The following KCNQ1 variants were observed in gnomAD, a reference collection of about 807,000 sequenced individuals.
KCNQ1 encodes potassium voltage-gated channel subfamily Q member 1.
Under a neutral mutation model 72.4 loss-of-function variants are expected in KCNQ1, and 49 were observed. The observed-to-expected ratio is 0.68, with a 90% CI of 0.54 to 0.86. KCNQ1 has a LOEUF of 0.86. Among genes scored for constraint, KCNQ1 ranks in the 40% least tolerant of loss-of-function variants. The pLI is 0.00. For missense variants in KCNQ1, 790 were observed against 945.1 expected, an observed-to-expected ratio of 0.84 and a Z score of 2.15; for synonymous variants, 450 against 412.6, an observed-to-expected ratio of 1.09 and a Z score of -1.10.
Position 2,708,044 on chromosome 11 carries a change from G to T in KCNQ1, c.1514+45963G>T, listed in dbSNP as rs190823214. 3.1e-4 allele frequency among the ~76,000 whole-genome samples: 47 copies of T among 152,346 alleles called. No homozygotes were observed. The South Asian group carries it at 9.3e-3, about 30-fold the overall frequency. On this transcript the variant is annotated intron_variant, in intron 11 of 15. Coordinates refer to ENST00000155840, the MANE Select transcript of KCNQ1 (RefSeq NM_000218.3). Reference sequence around the variant, plus strand: ...CCTCCCAAAGCACCAGGCCCCTCAGGGCTGTTCCCCTGTTTCCCAAGATTT... The same window carrying T: ...CCTCCCAAAGCACCAGGCCCCTCAGTGCTGTTCCCCTGTTTCCCAAGATTT...
rs1276289550 is a variant in KCNQ1 at position 2,746,845 on chromosome 11, A to G, written c.1515-21999A>G. On this transcript the variant is annotated intron_variant, in intron 11 of 15. Coordinates refer to ENST00000155840, the MANE Select transcript of KCNQ1 (RefSeq NM_000218.3). This position sits in a 1 kb window ranked among gnomAD's most constrained non-coding sequence, Gnocchi z 5.9. Reference sequence around the variant, plus strand: ...GCCCTAGAGAGACCCTGGGATGTGGATCACACTGGTGACCCCTGTGAGCCC... The same window carrying G: ...GCCCTAGAGAGACCCTGGGATGTGGGTCACACTGGTGACCCCTGTGAGCCC... Among the ~76,000 whole-genome samples the G allele has an allele frequency of 6.6e-6, 1 of 152,184 alleles. No individual in the cohort carries two copies. The highest frequency in any genetic ancestry group is 1.5e-5 in the Non-Finnish European group (1 of 68,028).
chr11:2,490,986 G>A (rs918931637), intron 1 of KCNQ1, among the ~76,000 whole-genome samples: 15 of 152,140 alleles, frequency 9.9e-5, no homozygotes, highest in African/African-American at 2.7e-4. Flanking sequence ...GATTACAGGC[G>A]TGAGCCACTG....
chr11:2,618,445 T>C (rs1849105852), intron 10 of KCNQ1: 1 of 398,614 alleles, frequency 2.5e-6, no homozygotes, highest in Non-Finnish European at 4.4e-6. Context: ...CCTAACGTCA[T>C]TTATGAGAGA....
intron 10 of KCNQ1, among the ~76,000 whole-genome samples, chr11:2,597,876 T>C (rs2133772832): frequency 6.6e-6 from 1 of 152,362 alleles, no homozygotes; most frequent in South Asian, 2.1e-4. Flanking sequence ...TGGTAGCAAC[T>C]GATTTTTTCC....
At position 2,458,688 on chromosome 11, in the gene KCNQ1, G is replaced by T. The variant is rs909903904; in HGVS notation, c.386+13204G>T. 1.4e-5 allele frequency among the ~76,000 whole-genome samples: 2 copies of T among 139,368 alleles called. No homozygotes were observed. The highest frequency in any genetic ancestry group is 4.5e-4 in the East Asian group (2 of 4,486). 91.4% of individuals were successfully genotyped at this position (139,368 alleles called of 152,430 possible). ...GGATGGATGGATGGATGGATGGATC[G>T]ATCGATCTCACCAAGCCTCGTGCTC... On this transcript the variant is annotated intron_variant, in intron 1 of 15. Coordinates refer to ENST00000155840, the MANE Select transcript of KCNQ1 (RefSeq NM_000218.3). This position sits in a 1 kb window ranked among gnomAD's most constrained non-coding sequence, Gnocchi z 4.6.
At chr11:2,619,297 C>T (rs1041004747) in intron 10 of KCNQ1, 9 of 398,322 alleles carry the variant, frequency 2.3e-5, no homozygotes, top group Middle Eastern at 6.2e-4. Context: ...TTGATTATAA[C>T]GTTAGCTGTG....
chr11:2,587,675 C>T lies in KCNQ1; in HGVS notation c.1234C>T (p.Pro412Ser), dbSNP rs1281389073. ...CACTCTGCTGTCACCCAGCCCCAAA[C>T]CCAAGAAGTCTGTGGTGGTGAGTAG... ...SHTLLSPSPK[P>S]KKSVVVKKKK... Residue 412 changes from proline (P) to serine (S), a missense_variant, in exon 9 of 16, where the codon CCC becomes TCC. Pro to Ser is a moderately conservative substitution (Grantham distance 74). Transcript: ENST00000155840. 1 of 1,613,810 alleles carries T rather than the reference C, an allele frequency of 6.2e-7. No individual in the cohort carries two copies. Among genetic ancestry groups the T allele is most frequent in the East Asian group, 2.2e-5 (1 of 44,882 alleles).
Position 2,781,934 on chromosome 11 carries a change from C to T in KCNQ1, c.1794+3897C>T, listed in dbSNP as rs1242834991. Among the ~76,000 whole-genome samples, 1 of 152,056 alleles carries T rather than the reference C, an allele frequency of 6.6e-6. No homozygotes were observed. The highest frequency in any genetic ancestry group is 2.4e-5 in the African/African-American group (1 of 41,390). Reference sequence around the variant, plus strand: ...AATCCAGGCCTCCAGGATGAGAATGCCCCCCAACCCAGGACTCCCAAAACC... The same window carrying T: ...AATCCAGGCCTCCAGGATGAGAATGTCCCCCAACCCAGGACTCCCAAAACC... On this transcript the variant is annotated intron_variant, in intron 15 of 15. Coordinates refer to ENST00000155840, the MANE Select transcript of KCNQ1 (RefSeq NM_000218.3). This position sits in a 1 kb window ranked among gnomAD's most constrained non-coding sequence, Gnocchi z 6.6.
At chr11:2,636,575 G>T (rs1849469180) in intron 10 of KCNQ1, 1 of 152,064 alleles carries the variant, frequency 6.6e-6, no homozygotes, top group South Asian at 2.1e-4. Context: ...TGTGCTGCTG[G>T]ATTCGGTTTG....
chr11:2,700,087 C>G (rs1419859808), intron 11 of KCNQ1: 5 of 397,816 alleles, frequency 1.3e-5, no homozygotes, highest in East Asian at 3.6e-5. Context: ...CAGGGGAAGG[C>G]TTGCGGCGGG....
At chr11:2,520,758 T>C (rs1847368563) in intron 1 of KCNQ1, among the ~76,000 whole-genome samples, 1 of 151,894 alleles carries the variant, frequency 6.6e-6, no homozygotes, top group African/African-American at 2.4e-5. Context: ...CTGGGGCACA[T>C]GGGATTTGGA....
rs993669164 is a variant in KCNQ1, at chr11:2,828,132, G to T, written c.1795-19635G>T. Among the ~76,000 whole-genome samples, 1 of 152,216 alleles carries T rather than the reference G, an allele frequency of 6.6e-6. No individual in the cohort carries two copies. The highest frequency in any genetic ancestry group is 2.4e-5 in the African/African-American group (1 of 41,454). On this transcript the variant is annotated intron_variant, in intron 15 of 15. Coordinates refer to ENST00000155840, the MANE Select transcript of KCNQ1 (RefSeq NM_000218.3). The surrounding 1 kb of genome is among the most constrained non-coding windows in gnomAD (Gnocchi z 5.3). The stretch of plus-strand genomic sequence containing the variant: ...GCCGGGACTCAGAGGAGGCAGCCAC[G>T]TGCAGAAAGGCACCCATGGGAACAT...
At position 2,473,886 on chromosome 11, in the gene KCNQ1, C is replaced by G. The variant is rs1233116587; in HGVS notation, c.386+28402C>G. Among the ~76,000 whole-genome samples, 2 of 152,232 alleles carry G rather than the reference C, an allele frequency of 1.3e-5. No individual in the cohort carries two copies. The highest frequency in any genetic ancestry group is 2.9e-5 in the Non-Finnish European group (2 of 68,030). ...CCACTCGCCCTCCACAGATGGGAGC[C>G]TGGGAGAGCCCTGCCTCCCGGAACG... On this transcript the variant is annotated intron_variant, in intron 1 of 15. Transcript: ENST00000155840. This position sits in a 1 kb window ranked among gnomAD's most constrained non-coding sequence, Gnocchi z 6.0.
rs1846299657 is a variant in KCNQ1, at chr11:2,462,976, T to C, written c.386+17492T>C. ...GGCTGTGGGCCCTTGGGTGGAAGAG[T>C]CTTGGGTGAGGCCCCTGAACTGGTA... On this transcript the variant is annotated intron_variant, in intron 1 of 15. Transcript: ENST00000155840. This position sits in a 1 kb window ranked among gnomAD's most constrained non-coding sequence, Gnocchi z 8.2. 6.6e-6 allele frequency among the ~76,000 whole-genome samples: 1 copy of C among 150,504 alleles called. No individual in the cohort carries two copies. The highest frequency in any genetic ancestry group is 1.5e-5 in the Non-Finnish European group (1 of 67,622).
chr11:2,759,033 C>T lies in KCNQ1; in HGVS notation c.1515-9811C>T, dbSNP rs557773773. On this transcript the variant is annotated intron_variant, in intron 11 of 15. Transcript: ENST00000155840. This position sits in a 1 kb window ranked among gnomAD's most constrained non-coding sequence, Gnocchi z 4.4. ...CACTGTACCAATGTCAATCTCCTGG[C>T]GTTGATCTGTTACTCCACCCATGCA... Among the ~76,000 whole-genome samples, 1 of 151,998 alleles carries T rather than the reference C, an allele frequency of 6.6e-6. No homozygotes were observed. Among genetic ancestry groups the T allele is most frequent in the South Asian group, 2.1e-4 (1 of 4,804 alleles).
chr11:2,700,905 G>A (rs1850799768), intron 11 of KCNQ1, among the ~76,000 whole-genome samples: 1 of 152,218 alleles, frequency 6.6e-6, no homozygotes, highest in African/African-American at 2.4e-5. Context: ...CAAAAGCCTG[G>A]GTCACAAAAG....
chr11:2,717,866 C>T (rs1294636326), intron 11 of KCNQ1, among the ~76,000 whole-genome samples: 2 of 152,302 alleles, frequency 1.3e-5, no homozygotes, highest in East Asian at 3.9e-4. Context: ...CCCGATGGCC[C>T]ACTCGCCCCA....
At position 2,526,379 on chromosome 11, in the gene KCNQ1, T is replaced by G. The variant is rs903486709; in HGVS notation, c.387-1549T>G. 6.6e-6 allele frequency among the ~76,000 whole-genome samples: 1 copy of G among 151,876 alleles called. No individual in the cohort carries two copies. The highest frequency in any genetic ancestry group is 1.9e-4 in the East Asian group (1 of 5,170). On this transcript the variant is annotated intron_variant, in intron 1 of 15. Transcript: ENST00000155840. The surrounding 1 kb of genome is among the most constrained non-coding windows in gnomAD (Gnocchi z 6.1). ...ACAGGGTGTCGGTGAGGCAGGTGGC[T>G]GAGGAAATGGTAGCTGCAGGTTTTG...
rs1376314279 is a variant in KCNQ1 at position 2,720,329 on chromosome 11, A to G, written c.1515-48515A>G. Among the ~76,000 whole-genome samples, 4 of 152,138 alleles carry G rather than the reference A, an allele frequency of 2.6e-5. No homozygotes were observed. Among genetic ancestry groups the G allele is most frequent in the Non-Finnish European group, 5.9e-5 (4 of 68,034 alleles). On this transcript the variant is annotated intron_variant, in intron 11 of 15. Coordinates refer to ENST00000155840, the MANE Select transcript of KCNQ1 (RefSeq NM_000218.3). The surrounding 1 kb of genome is among the most constrained non-coding windows in gnomAD (Gnocchi z 5.1). ...ATCCATCCTATGTGTACACTCAGGC[A>G]CGTACTCCCTGGCTCAGCCGCCTTC...
Sources: gnomAD v4.1 joint callset for allele counts (sites outside exome capture counted in the v4.1 genomes callset) on GRCh38, gnomAD v4.1.1 for gene constraint, Gnocchi (gnomAD v3.1) non-coding constraint, MANE v1.5 for transcripts, NCBI Gene and HGNC (gene_info 2026-07-23, HGNC 2026-07-21) for gene names.